Variants in NCOR2 observed in about 807,000 individuals in gnomAD.
NCOR2 encodes the protein CTG repeat protein 26.
NCOR2 carries 81 observed loss-of-function variants against 262.9 expected under a neutral mutation model. The observed-to-expected ratio is 0.31, with a 90% CI of 0.26 to 0.37. The LOEUF (loss-of-function observed/expected upper bound fraction) is 0.37. NCOR2 is among the 10% of genes least tolerant of loss of function. The pLI is 1.00. For missense variants in NCOR2, 3,385 were observed against 3,621.4 expected (o/e 0.93, Z 1.68); for synonymous variants, 1,659 against 1,559.3 (o/e 1.06, Z -1.51).
intron 13 of NCOR2, among the ~76,000 whole-genome samples, chr12:124,418,111 G>A (rs1275511441): frequency 2.0e-5 from 3 of 151,618 alleles, no homozygotes; most frequent in Non-Finnish European, 2.9e-5. Flanking sequence ...ACATAGCTAC[G>A]TCTTTGGAAT....
At chr12:124,371,282 C>T (rs1050399614) in intron 20 of NCOR2, among the ~76,000 whole-genome samples, 1 of 151,938 alleles carries the variant, frequency 6.6e-6, no homozygotes, top group Admixed American at 6.6e-5. Flanking sequence ...AGCTCATTCC[C>T]ACCTCGGGCC....
intron 1 of NCOR2, among the ~76,000 whole-genome samples, chr12:124,527,049 A>G (rs2050509990): frequency 6.6e-6 from 1 of 152,184 alleles, no homozygotes; most frequent in Non-Finnish European, 1.5e-5. Context: ...GTGAAACATG[A>G]TTTTATTTTA....
chr12:124,456,693 C>T lies in NCOR2; in HGVS notation c.762+413G>A, dbSNP rs553343691. Among the ~76,000 whole-genome samples, 305 of 152,354 alleles carry T rather than the reference C, an allele frequency of 2.0e-3. 1 individual carries two copies. The highest frequency in any genetic ancestry group is 3.5e-3 in the Non-Finnish European group (237 of 68,024). ...TGAAGCACAGGGAGGGTAACAGACC[C>T]GCTCAGGGTCACACCGCCATGAAGC... On this transcript the variant is annotated intron_variant, in intron 6 of 46. Transcript: ENST00000405201.
At chr12:124,527,079 T>C (rs1002848306) in intron 1 of NCOR2, among the ~76,000 whole-genome samples, 4 of 152,226 alleles carry the variant, frequency 2.6e-5, no homozygotes, top group African/African-American at 9.7e-5. Flanking sequence ...ATGGCATCTG[T>C]TTATGGCAGT....
At position 124,503,362 on chromosome 12, in the gene NCOR2, A is replaced by AT. The variant is rs1395357485; in HGVS notation, c.-117-7995dup. Among the ~76,000 whole-genome samples the AT allele has an allele frequency of 1.3e-5, 2 of 152,158 alleles. No individual in the cohort carries two copies. The highest frequency in any genetic ancestry group is 2.9e-5 in the Non-Finnish European group (2 of 68,028). ...GATGGAGGGAGAAGATGGAAGAGGG[A>AT]TAGAGATGGGAGGATGGAGGAGAAA... On this transcript the variant is annotated intron_variant, in intron 1 of 46. Transcript: ENST00000404621. The surrounding 1 kb of genome is among the most constrained non-coding windows in gnomAD (Gnocchi z 4.3).
At chr12:124,567,172 C>G (rs2052274425) in intron 1 of NCOR2, 136 bp downstream of exon 1, 2 of 152,114 alleles carry the variant, frequency 1.3e-5, no homozygotes, top group Non-Finnish European at 2.9e-5. Flanking sequence ...GCAGGCCACC[C>G]CCCGAGAGCG....
At chr12:124,354,314 AG>A in intron 26 of NCOR2, 118 bp from the exon 29 acceptor site, 1 of 1,220,282 alleles carries the variant, frequency 8.2e-7, no homozygotes, top group Non-Finnish European at 1.1e-6. Flanking sequence ...GTTTCAACGC[AG>A]AGGGAGTCCC....
chr12:124,333,987 T>C (rs12812794), intron 41 of NCOR2, among the ~76,000 whole-genome samples: 23 of 150,086 alleles, frequency 1.5e-4, no homozygotes, highest in Non-Finnish European at 2.1e-4. Flanking sequence ...TGTGCGGGTG[T>C]GCATGTGTGT....
intron 37 of NCOR2, among the ~76,000 whole-genome samples, chr12:124,339,374 A>ACCTC (rs2036210349): frequency 8.3e-6 from 1 of 120,610 alleles, no homozygotes; most frequent in Non-Finnish European, 1.7e-5. Context: ...CCACCTACCT[A>ACCTC]CCTACCTACC....
rs2040945176 is a variant in NCOR2 at position 124,388,005 on chromosome 12, T to TGGCTGGG, written c.1877-2125_1877-2119dup. 2.9e-5 allele frequency among the ~76,000 whole-genome samples: 4 copies of TGGCTGGG among 137,140 alleles called. No homozygotes were observed. In the South Asian group the frequency reaches 7.3e-4, roughly 25 times the overall value. The allele number at this position is 137,140 out of a possible 152,430, so 90.0% of individuals were successfully genotyped here. ...ATAAATAAGGAGGTAGCTAGGAGCC[T>TGGCTGGG]GGCTGGGGGCTGGGGACCCTAATTA... On this transcript the variant is annotated intron_variant, in intron 16 of 46. Coordinates refer to ENST00000405201, the Ensembl canonical transcript of NCOR2.
chr12:124,386,160 G>A (rs2040788135), intron 16 of NCOR2, among the ~76,000 whole-genome samples: 1 of 152,170 alleles, frequency 6.6e-6, no homozygotes, highest in South Asian at 2.1e-4. Flanking sequence ...GGCTGGAGGA[G>A]CCAAAAGCGA....
intron 1 of NCOR2, among the ~76,000 whole-genome samples, chr12:124,509,243 G>GT (rs1566010737): frequency 2.6e-5 from 4 of 151,104 alleles, no homozygotes; most frequent in East Asian, 1.9e-4. Context: ...GGTGGGGGGG[G>GT]GGGGGGCTTA....
At position 124,483,615 on chromosome 12, in the gene NCOR2, C is replaced by A. The variant is rs1231185993; in HGVS notation, c.392G>T (p.Gly131Val). Residue 131 changes from glycine to valine, a missense_variant, in exon 3 of 47, where the codon GGA (glycine) becomes GTA (valine). Gly to Val is a moderately radical substitution (Grantham distance 109). Around this residue, in one of 5 missense-constraint regions of NCOR2, gnomAD observed 237 missense variants for 229.4 expected, o/e 1.03. Transcript: ENST00000405201. This position sits in a 1 kb window ranked among gnomAD's most constrained non-coding sequence, Gnocchi z 6.3. ...GCTTACCTTGGTGAGGTCTTCAGAT[C>A]CCGCAGGCTGGCCCGTGGCCAGCAG... The A allele has an allele frequency of 1.2e-6, 2 of 1,604,782 alleles. No individual in the cohort carries two copies. The highest frequency in any genetic ancestry group is 1.7e-6 in the Non-Finnish European group (2 of 1,175,950).
chr12:124,525,686 T>C (rs1003558062), intron 1 of NCOR2, among the ~76,000 whole-genome samples: 1 of 152,212 alleles, frequency 6.6e-6, no homozygotes, highest in African/African-American at 2.4e-5. Flanking sequence ...AGATCCAGGC[T>C]GGCTGCGGCA....
At chr12:124,354,699 G>T in intron 25 of NCOR2, 117 bp from the exon 28 acceptor site, 1 of 1,314,610 alleles carries the variant, frequency 7.6e-7, no homozygotes, top group Non-Finnish European at 1.0e-6. Flanking sequence ...CCATGTTCCA[G>T]CCAGGGCTGC....
At position 124,440,262 on chromosome 12, in the gene NCOR2, G is replaced by A. The variant is rs1279680460; in HGVS notation, c.816-2266C>T. Reference sequence around the variant, plus strand: ...GGAGCCACGCTATGTCCAGCCCCCGGGACCCCAGCCCCATTGGAAACAGGA... The same window carrying A: ...GGAGCCACGCTATGTCCAGCCCCCGAGACCCCAGCCCCATTGGAAACAGGA... On this transcript the variant is annotated intron_variant, in intron 7 of 46. Coordinates refer to ENST00000405201, the Ensembl canonical transcript of NCOR2. This position sits in a 1 kb window ranked among gnomAD's most constrained non-coding sequence, Gnocchi z 5.7. 2.6e-5 allele frequency among the ~76,000 whole-genome samples: 4 copies of A among 152,310 alleles called. No homozygotes were observed. The highest frequency in any genetic ancestry group is 7.2e-5 in the African/African-American group (3 of 41,552).
At chr12:124,439,544 G>T (rs1179329544) in intron 7 of NCOR2, among the ~76,000 whole-genome samples, 1 of 151,526 alleles carries the variant, frequency 6.6e-6, no homozygotes, top group Non-Finnish European at 1.5e-5. Flanking sequence ...CCCAGAGAGG[G>T]AAACAGGGAC....
At chr12:124,377,141 C>T (rs1041140262) in intron 18 of NCOR2, among the ~76,000 whole-genome samples, 2 of 152,216 alleles carry the variant, frequency 1.3e-5, no homozygotes, top group African/African-American at 4.8e-5. Context: ...AAAGTTGAGC[C>T]GTGTGTTATC....
chr12:124,433,164 C>A (rs900128823), intron 8 of NCOR2, among the ~76,000 whole-genome samples: 1 of 152,194 alleles, frequency 6.6e-6, no homozygotes, highest in Non-Finnish European at 1.5e-5. Context: ...TGGCCCAGAA[C>A]CTAACCCCAT....
Sources: allele counts gnomAD v4.1 joint callset (sites outside exome capture counted in the v4.1 genomes callset), GRCh38; gene constraint gnomAD v4.1.1; regional missense constraint gnomAD v4.1.1; non-coding constraint Gnocchi (gnomAD v3.1); transcripts MANE v1.5; gene names NCBI Gene and HGNC (gene_info 2026-07-23, HGNC 2026-07-21).